Variants in SERPIND1 observed in about 807,000 individuals in gnomAD.
SERPIND1 encodes the protein heparin cofactor 2.
In SERPIND1, 34 loss-of-function variants were observed where a neutral mutation model predicts 35.0. The observed-to-expected ratio is 0.97, with a 90% CI of 0.74 to 1.29. The LOEUF (loss-of-function observed/expected upper bound fraction) is 1.29, where lower values mean the gene tolerates loss of function less well. SERPIND1 is among the 50% of genes most tolerant of loss of function. The pLI is 0.00. For missense variants in SERPIND1, 633 were observed against 637.7 expected (o/e 0.99, Z 0.08); for synonymous variants, 236 against 241.1 (o/e 0.98, Z 0.19).
chr22:20,786,972 T>A lies in SERPIND1; in HGVS notation c.1406T>A (p.Phe469Tyr), dbSNP rs1934291777. The A allele has an allele frequency of 6.2e-7, 1 of 1,614,178 alleles. No individual in the cohort carries two copies. The highest frequency in any genetic ancestry group is 8.5e-7 in the Non-Finnish European group (1 of 1,180,028). The change falls in exon 5 of 5, where the codon TTC (phenylalanine) becomes TAC (tyrosine). Residue 469 changes from phenylalanine to tyrosine, a missense_variant. Transcript: ENST00000215727. ...GFMPLSTQVR[F>Y]TVDRPFLFLI... ...ATGCCGCTGTCCACCCAAGTCCGCT[T>A]CACTGTCGACCGCCCCTTTCTTTTC...
Position 20,784,030 on chromosome 22 carries a change from TGA to T in SERPIND1, c.956_957del (p.Glu319GlyfsTer3), listed in dbSNP as rs1569028918. The T allele has an allele frequency of 1.9e-6, 3 of 1,614,012 alleles. No individual in the cohort carries two copies. Among genetic ancestry groups the T allele is most frequent in the Admixed American group, 3.3e-5 (2 of 60,012 alleles). On this transcript the variant is annotated frameshift_variant, in exon 3 of 5. Coordinates refer to ENST00000215727, the MANE Select transcript of SERPIND1 (RefSeq NM_000185.4). LOFTEE classifies it high-confidence loss of function. ...MTHNHNFRLN[E>X]REVVKVSMMQ... is the part of the protein sequence containing the mutation. ...CACACAACCACAACTTCCGGCTGAA[TGA>T]GAGAGAGGTAGTTAAGGTTTCCATG... is the stretch of plus-strand genomic sequence containing the variant.
chr22:20,779,729 A>C lies in SERPIND1; in HGVS notation c.417A>C (p.Arg139=). 1.2e-6 allele frequency: 2 copies of C among 1,614,194 alleles called. No individual in the cohort carries two copies. ...CCAAGTTCGCTTTCAACCTCTACCG[A>C]GTGCTGAAAGACCAGGTCAACACTT... ...LNAKFAFNLY[R]VLKDQVNTFD... Residue 139 remains arginine, a synonymous_variant, in exon 2 of 5, where the codon CGA becomes CGC. Transcript: ENST00000215727.
rs1011602536 is a variant in SERPIND1 at position 20,787,595 on chromosome 22, C to G, written c.*529C>G. Reference sequence around the variant, plus strand: ...ATGTTAGGGCTTAATTTTCTCAAAGCCTGACCTTTCAAATCCATGATGAAT... The same window carrying G: ...ATGTTAGGGCTTAATTTTCTCAAAGGCTGACCTTTCAAATCCATGATGAAT... On this transcript the variant is annotated 3_prime_UTR_variant, in exon 5 of 5. Transcript: ENST00000215727. 5.6e-6 allele frequency: 1 copy of G among 180,100 alleles called. No homozygotes were observed. 11.2% of individuals were successfully genotyped at this position (180,100 alleles called of 1,614,324 possible).
Position 20,779,891 on chromosome 22 carries a change from T to G in SERPIND1, c.579T>G (p.Tyr193Ter). Residue 193 changes from tyrosine to a stop codon, truncating the protein, a stop_gained, in exon 2 of 5, where the codon TAT (tyrosine) becomes TAG (stop). Transcript: ENST00000215727. LOFTEE classifies it high-confidence loss of function. ...FKDFVNASSK[Y>*]EITTIHNLFR... ...ACTTTGTTAATGCCAGCAGCAAGTA[T>G]GAAATCACGACCATTCATAATCTCT... 1 of 1,614,228 alleles carries G rather than the reference T, an allele frequency of 6.2e-7. No individual in the cohort carries two copies. The highest frequency in any genetic ancestry group is 2.2e-5 in the East Asian group (1 of 44,890).
rs16988800 is a variant in SERPIND1 at position 20,780,266 on chromosome 22, T to C, written c.889+65T>C. 2,252 of 1,607,144 alleles carry C rather than the reference T, an allele frequency of 1.4e-3. 27 individuals are homozygous for C. The African/African-American group carries it at 0.026, about 18-fold the overall frequency. ...CATACTATTTTTGTATGTGGGTAGA[T>C]TGAATGCCAAGAACTGTACTGTAGC... On this transcript the variant is annotated intron_variant, in intron 2 of 4. Transcript: ENST00000215727.
Position 20,776,528 on chromosome 22 carries a change from A to G in SERPIND1, c.-17+2383A>G, listed in dbSNP as rs1298567815. Reference sequence around the variant, plus strand: ...TGTGACTAAAACAAACTTTGAACTTACTATTTCAACAGTATTATAAGGGGA... The same window carrying G: ...TGTGACTAAAACAAACTTTGAACTTGCTATTTCAACAGTATTATAAGGGGA... On this transcript the variant is annotated intron_variant, in intron 1 of 4. Transcript: ENST00000215727. Among the ~76,000 whole-genome samples, 4 of 152,296 alleles carry G rather than the reference A, an allele frequency of 2.6e-5. No homozygotes were observed. In the East Asian group the frequency reaches 7.7e-4, roughly 29 times the overall value.
Position 20,780,182 on chromosome 22 carries a change from C to T in SERPIND1, c.870C>T (p.Leu290=), listed in dbSNP as rs1189857032. The change falls in exon 2 of 5, where the codon CTC becomes CTT. Residue 290 remains leucine, a synonymous_variant. Transcript: ENST00000215727. ...NIDPATQMMI[L]NCIYFKGSWV... Reference sequence around the variant, plus strand: ...ACCCTGCTACCCAGATGATGATTCTCAACTGCATCTACTTCAAAGGTAAGA... The same window carrying T: ...ACCCTGCTACCCAGATGATGATTCTTAACTGCATCTACTTCAAAGGTAAGA... 1.2e-6 allele frequency: 2 copies of T among 1,614,226 alleles called. No homozygotes were observed. Among genetic ancestry groups the T allele is most frequent in the African/African-American group, 2.7e-5 (2 of 75,064 alleles).
At position 20,779,246 on chromosome 22, in the gene SERPIND1, G is replaced by C. The variant is rs1933548395; in HGVS notation, c.-16-51G>C. 8 of 1,609,938 alleles carry C rather than the reference G, an allele frequency of 5.0e-6. No individual in the cohort carries two copies. In the African/African-American group the frequency reaches 5.3e-5, roughly 11 times the overall value. On this transcript the variant is annotated intron_variant, in intron 1 of 4. Coordinates refer to ENST00000215727, the MANE Select transcript of SERPIND1 (RefSeq NM_000185.4). ...AACCTGCCATGTGGATGCTGCAGCGGGGTGTGGATCAGCCAGGCCGCCTTT... is the reference window on the plus strand; with the variant it reads ...AACCTGCCATGTGGATGCTGCAGCGCGGTGTGGATCAGCCAGGCCGCCTTT...
In SERPIND1 at chr22:20,787,309, C is replaced by T. The variant is rs1170390730; in HGVS notation, c.*243C>T. 1 of 536,418 alleles carries T rather than the reference C, an allele frequency of 1.9e-6. No homozygotes were observed. Among genetic ancestry groups the T allele is most frequent in the East Asian group, 3.4e-5 (1 of 29,774 alleles). 33.2% of individuals were successfully genotyped at this position (536,418 alleles called of 1,614,324 possible). Reference sequence around the variant, plus strand: ...GTAACTGTAGTGTGTCTGCTGTTACCTAGAGGGTCTCACCTCCCCACTCTT... The same window carrying T: ...GTAACTGTAGTGTGTCTGCTGTTACTTAGAGGGTCTCACCTCCCCACTCTT... On this transcript the variant is annotated 3_prime_UTR_variant, in exon 5 of 5. Coordinates refer to ENST00000215727, the MANE Select transcript of SERPIND1 (RefSeq NM_000185.4).
At chr22:20,776,697 G>A (rs930438653) in intron 1 of SERPIND1, among the ~76,000 whole-genome samples, 3 of 152,110 alleles carry the variant, frequency 2.0e-5, no homozygotes, top group Non-Finnish European at 4.4e-5. Context: ...AACTTGGTTC[G>A]AATCTAGCCA....
chr22:20,778,577 T>G (rs750792146), intron 1 of SERPIND1, among the ~76,000 whole-genome samples: 1 of 152,076 alleles, frequency 6.6e-6, no homozygotes, highest in East Asian at 1.9e-4. Context: ...CCCCAAAGAT[T>G]GCACAAATTT....
At chr22:20,781,701 G>A (rs928598912) in intron 2 of SERPIND1, among the ~76,000 whole-genome samples, 2 of 152,196 alleles carry the variant, frequency 1.3e-5, no homozygotes, top group South Asian at 2.1e-4. Flanking sequence ...ACAGGCTTGC[G>A]GCAGACACAC....
chr22:20,784,784 G>A (rs1006378572), intron 3 of SERPIND1, among the ~76,000 whole-genome samples: 3 of 152,156 alleles, frequency 2.0e-5, no homozygotes, highest in African/African-American at 7.2e-5. Flanking sequence ...TACTTATTGA[G>A]ATTATTATTG....
At chr22:20,776,940 T>C (rs1933340472) in intron 1 of SERPIND1, among the ~76,000 whole-genome samples, 1 of 152,212 alleles carries the variant, frequency 6.6e-6, no homozygotes, top group South Asian at 2.1e-4. Context: ...CAGTAACTCT[T>C]ACCTGGCCTC....
rs1051282577 is a variant in SERPIND1, at chr22:20,787,537, C to T, written c.*471C>T. 4.4e-6 allele frequency: 1 copy of T among 229,216 alleles called. No individual in the cohort carries two copies. Among genetic ancestry groups the T allele is most frequent in the Non-Finnish European group, 8.7e-6 (1 of 114,642 alleles). 14.2% of individuals were successfully genotyped at this position (229,216 alleles called of 1,614,324 possible). ...CATTCTTGATGTCCAGGGAAGAAGC[C>T]ACCTCAAGACATATGAGGGGTGCCC... On this transcript the variant is annotated 3_prime_UTR_variant, in exon 5 of 5. Transcript: ENST00000215727.
rs117311435 is a variant in SERPIND1 at position 20,779,094 on chromosome 22, T to C, written c.-16-203T>C. The C allele has an allele frequency of 6.0e-3, 7,286 of 1,217,052 alleles. 63 individuals are homozygous for C. Among genetic ancestry groups the C allele is most frequent in the East Asian group, 0.048 (1,814 of 37,846 alleles). The allele number at this position is 1,217,052 out of a possible 1,614,324, so 75.4% of individuals were successfully genotyped here. ...CATCAAGGGGCCCACAGATCCTTCATTGAGGTTTATGAGTCCCACATCAAA... is the reference window on the plus strand; with the variant it reads ...CATCAAGGGGCCCACAGATCCTTCACTGAGGTTTATGAGTCCCACATCAAA... On this transcript the variant is annotated intron_variant, in intron 1 of 4. Transcript: ENST00000215727.
Position 20,787,127 on chromosome 22 carries a change from C to A in SERPIND1, c.*61C>A, listed in dbSNP as rs1934310185. On this transcript the variant is annotated 3_prime_UTR_variant, in exon 5 of 5. Coordinates refer to ENST00000215727, the MANE Select transcript of SERPIND1 (RefSeq NM_000185.4). ...CACCCTCATTTTGTTTCCATTCCAACAACGAGAACAGAGATGTTCTGGCAT... is the reference window on the plus strand; with the variant it reads ...CACCCTCATTTTGTTTCCATTCCAAAAACGAGAACAGAGATGTTCTGGCAT... 3 of 1,417,422 alleles carry A rather than the reference C, an allele frequency of 2.1e-6. No individual in the cohort carries two copies. Among genetic ancestry groups the A allele is most frequent in the Non-Finnish European group, 2.0e-6 (2 of 1,003,180 alleles). 87.8% of individuals were successfully genotyped at this position (1,417,422 alleles called of 1,614,324 possible).
rs777601746 is a variant in SERPIND1 at position 20,787,284 on chromosome 22, G to C, written c.*218G>C. 1.7e-6 allele frequency: 1 copy of C among 585,646 alleles called. No homozygotes were observed. The highest frequency in any genetic ancestry group is 2.8e-5 in the Admixed American group (1 of 35,806). The allele number at this position is 585,646 out of a possible 1,614,324, so 36.3% of individuals were successfully genotyped here. On this transcript the variant is annotated 3_prime_UTR_variant, in exon 5 of 5. Transcript: ENST00000215727. ...ATGCTGTAAGCTCATAGAAGTCACTGTAACTGTAGTGTGTCTGCTGTTACC... is the reference window on the plus strand; with the variant it reads ...ATGCTGTAAGCTCATAGAAGTCACTCTAACTGTAGTGTGTCTGCTGTTACC...
At chr22:20,781,914 C>G (rs771812319) in intron 2 of SERPIND1, among the ~76,000 whole-genome samples, 1 of 152,032 alleles carries the variant, frequency 6.6e-6, no homozygotes. Context: ...CTGACAGGGC[C>G]GAGGGAAGAA....
Sources: allele counts gnomAD v4.1 joint callset (sites outside exome capture counted in the v4.1 genomes callset), GRCh38; gene constraint gnomAD v4.1.1; transcripts MANE v1.5; gene names NCBI Gene and HGNC (gene_info 2026-07-23, HGNC 2026-07-21).